Variants in NUP37 observed in about 807,000 individuals in gnomAD.
NUP37 encodes nucleoporin 37.
Under a neutral mutation model 45.4 loss-of-function variants are expected in NUP37, and 33 were observed. The observed-to-expected ratio is 0.73, with a 90% CI of 0.55 to 0.97. NUP37 has a LOEUF of 0.97. Among genes scored for constraint, NUP37 ranks in the 50% least tolerant of loss-of-function variants. The pLI is 0.00. For missense variants in NUP37, 365 were observed against 389.7 expected (o/e 0.94, Z 0.53); for synonymous variants, 127 against 130.7 (o/e 0.97, Z 0.19).
In NUP37 at chr12:102,077,454, G is replaced by C. The variant is rs750067964; in HGVS notation, c.590C>G (p.Ala197Gly). Residue 197 changes from alanine to glycine, a missense_variant, in exon 7 of 10, where the codon GCC (alanine) becomes GGC (glycine). Ala to Gly is a moderately conservative substitution (Grantham distance 60). Transcript: ENST00000552283. ...TTCAAGAGATAAAATAGCCTGTTGGGCCAAAAGATCATAAAACCGGATTGT... is the reference window on the plus strand; with the variant it reads ...TTCAAGAGATAAAATAGCCTGTTGGCCCAAAAGATCATAAAACCGGATTGT... Reference protein sequence around the residue: ...NGTIRFYDLLAQQAILSLESE... With the variant: ...NGTIRFYDLLGQQAILSLESE... 1 of 1,613,874 alleles carries C rather than the reference G, an allele frequency of 6.2e-7. No individual in the cohort carries two copies. The highest frequency in any genetic ancestry group is 1.7e-5 in the Admixed American group (1 of 60,026).
intron 5 of NUP37, among the ~76,000 whole-genome samples, chr12:102,090,998 T>G (rs189836518): frequency 3.3e-5 from 5 of 152,322 alleles, no homozygotes; most frequent in African/African-American, 1.2e-4. Flanking sequence ...ATTTGAAAAT[T>G]CAGGTTTTAA....
chr12:102,081,275 TG>T (rs1447438817), intron 6 of NUP37, among the ~76,000 whole-genome samples: 15 of 152,258 alleles, frequency 9.9e-5, no homozygotes. Context: ...AAAAGATTTT[TG>T]TTATTTACTG....
At chr12:102,101,129 A>T (rs1223998355) in intron 3 of NUP37, 25 bp from the exon 4 acceptor site, 1 of 1,428,260 alleles carries the variant, frequency 7.0e-7, no homozygotes, top group African/African-American at 1.4e-5. Context: ...ACAAAAATAT[A>T]CCAATTTTTA....
At chr12:102,074,878 G>A in intron 9 of NUP37, 123 bp downstream of exon 9, 1 of 504,534 alleles carries the variant, frequency 2.0e-6, no homozygotes, top group African/African-American at 2.0e-5. Flanking sequence ...TGCAATTTAA[G>A]CAGATAACAA....
chr12:102,081,715 A>ATT (rs879750457), intron 6 of NUP37, among the ~76,000 whole-genome samples: 4 of 145,680 alleles, frequency 2.7e-5, no homozygotes, highest in African/African-American at 1.0e-4. Context: ...TCATTTAGCT[A>ATT]TTTTTTTTTT....
At position 102,112,181 on chromosome 12, in the gene NUP37, G is replaced by A. The variant is rs1391827652; in HGVS notation, c.208C>T (p.His70Tyr). ...ATGCCATCAACCCTGACTCCATGGT[G>A]AAATGTTCGAAGTGTTTTATACTGA... ...GIQYKTLRTF[H>Y]HGVRVDGIAW... is the part of the protein sequence containing the mutation. Residue 70 changes from histidine (H) to tyrosine (Y), a missense_variant, in exon 3 of 10, where the codon CAC (histidine) becomes TAC (tyrosine). Transcript: ENST00000552283. 2 of 1,613,424 alleles carry A rather than the reference G, an allele frequency of 1.2e-6. No individual in the cohort carries two copies. The highest frequency in any genetic ancestry group is 1.7e-6 in the Non-Finnish European group (2 of 1,179,534).
At chr12:102,112,084 T>C (rs916051078) in intron 3 of NUP37, 24 bp downstream of exon 3, 4 of 1,606,640 alleles carry the variant, frequency 2.5e-6, no homozygotes, top group Non-Finnish European at 3.4e-6. Flanking sequence ...TAGTAAGGAA[T>C]GCATTTGGTA....
chr12:102,103,476 C>T (rs563917502), intron 3 of NUP37, among the ~76,000 whole-genome samples: 1 of 152,246 alleles, frequency 6.6e-6, no homozygotes, highest in East Asian at 1.9e-4. Context: ...TCAGTTCTAA[C>T]AGTTTTTTGG....
chr12:102,075,731 G>C (rs1338521095), intron 8 of NUP37, among the ~76,000 whole-genome samples: 1 of 152,048 alleles, frequency 6.6e-6, no homozygotes, highest in Non-Finnish European at 1.5e-5. Context: ...CATCAAATAT[G>C]ACAGCCATTC....
chr12:102,083,023 A>T (rs1277556665), intron 6 of NUP37, among the ~76,000 whole-genome samples: 1 of 152,224 alleles, frequency 6.6e-6, no homozygotes, highest in Non-Finnish European at 1.5e-5. Context: ...AACATCATAA[A>T]AGAAAGGAGA....
At chr12:102,084,708 C>CAA (rs749376130) in intron 6 of NUP37, among the ~76,000 whole-genome samples, 4 of 104,362 alleles carry the variant, frequency 3.8e-5, no homozygotes, top group Non-Finnish European at 6.1e-5. Context: ...GGCTGTGTCT[C>CAA]AAAAAAAAAA....
intron 9 of NUP37, 45 bp downstream of exon 9, chr12:102,074,956 T>TAAA: frequency 2.9e-6 from 3 of 1,031,448 alleles, no homozygotes; most frequent in South Asian, 2.0e-5. Context: ...AAACACAAAT[T>TAAA]AAAAAAAAAA....
intron 5 of NUP37, among the ~76,000 whole-genome samples, chr12:102,091,142 A>C (rs993315449): frequency 1.3e-5 from 2 of 152,152 alleles, no homozygotes; most frequent in African/African-American, 2.4e-5. Context: ...CACGCCTGTA[A>C]TCCCAACACC....
rs373967898 is a variant in NUP37, at chr12:102,089,889, G to A, written c.450-4033C>T. Among the ~76,000 whole-genome samples the A allele has an allele frequency of 1.3e-4, 20 of 152,196 alleles. 1 individual carries two copies. Among genetic ancestry groups the A allele is most frequent in the Admixed American group, 2.0e-4 (3 of 15,302 alleles). On this transcript the variant is annotated intron_variant, in intron 5 of 9. Transcript: ENST00000552283. ...TTTAGGTTGTTTCCAATTTTTGGTC[G>A]TCACCAAGAATGCTGCTGTAAGCCG...
chr12:102,073,461 A>G lies in NUP37; in HGVS notation c.*893T>C, dbSNP rs1034186268. On this transcript the variant is annotated 3_prime_UTR_variant, in exon 10 of 10. Transcript: ENST00000552283. The stretch of plus-strand genomic sequence containing the variant: ...AAAAAGGAGGCTGTTAAAGGTATAC[A>G]CTAGAAGTCATTTTTCAAGGTAACT... 4.6e-5 allele frequency: 7 copies of G among 152,188 alleles called. No homozygotes were observed. The highest frequency in any genetic ancestry group is 1.4e-4 in the African/African-American group (6 of 41,440). The allele number at this position is 152,188 out of a possible 1,614,324, so 9.4% of individuals were successfully genotyped here.
intron 6 of NUP37, among the ~76,000 whole-genome samples, chr12:102,081,131 C>T (rs1369721673): frequency 6.6e-6 from 1 of 152,160 alleles, no homozygotes; most frequent in East Asian, 1.9e-4. Flanking sequence ...AGAGTATCTA[C>T]TTGATAGGAC....
chr12:102,087,773 G>T (rs1325841005), intron 5 of NUP37, among the ~76,000 whole-genome samples: 3 of 151,930 alleles, frequency 2.0e-5, no homozygotes, highest in South Asian at 2.1e-4. Context: ...TTGTTTTGTT[G>T]GCTATTATAT....
chr12:102,075,345 T>A (rs1265906117), intron 8 of NUP37, among the ~76,000 whole-genome samples: 1 of 151,884 alleles, frequency 6.6e-6, no homozygotes, highest in Non-Finnish European at 1.5e-5. Context: ...CCAGGTAAGT[T>A]TTAATTTTTT....
At chr12:102,096,145 AAGG>A (rs1456312049) in intron 5 of NUP37, among the ~76,000 whole-genome samples, 1 of 152,096 alleles carries the variant, frequency 6.6e-6, no homozygotes, top group Non-Finnish European at 1.5e-5. Flanking sequence ...ATATATTTGG[AAGG>A]CTACATTTTC....
Sources: gnomAD v4.1 joint callset for allele counts (sites outside exome capture counted in the v4.1 genomes callset) on GRCh38, gnomAD v4.1.1 for gene constraint, MANE v1.5 for transcripts, NCBI Gene and HGNC (gene_info 2026-07-23, HGNC 2026-07-21) for gene names.